Variants in FBN2 observed in about 807,000 individuals in gnomAD.
The protein encoded by FBN2 is fibrillin 2.
A neutral mutation model predicts 355.6 loss-of-function variants in FBN2; 105 were observed. The ratio of observed to expected loss-of-function variants is 0.30; its 90% confidence interval spans 0.25 to 0.35. The LOEUF is 0.35. Among genes scored for constraint, FBN2 ranks in the 10% least tolerant of loss-of-function variants. FBN2 has a pLI of 1.00. For missense variants in FBN2, 3,280 were observed against 3,758.7 expected (o/e 0.87, Z 3.33); for synonymous variants, 1,350 against 1,301.2 (o/e 1.04, Z -0.81).
At chr5:128,280,414 GCC>G in intron 55 of FBN2, 97 bp from the exon 56 acceptor site, 2 of 888,268 alleles carry the variant, frequency 2.3e-6, no homozygotes, top group Non-Finnish European at 3.7e-6. Context: ...ACACTTCTTT[GCC>G]AAAATACTAA....
At chr5:128,319,860 T>C (rs1413048071) in intron 34 of FBN2, among the ~76,000 whole-genome samples, 3 of 152,332 alleles carry the variant, frequency 2.0e-5, no homozygotes, top group Non-Finnish European at 2.9e-5. Flanking sequence ...AAAAAGAGGA[T>C]GGATATTTAT....
chr5:128,357,503 A>G, intron 19 of FBN2, 108 bp from the exon 20 acceptor site: 1 of 1,299,214 alleles, frequency 7.7e-7, no homozygotes, highest in South Asian at 1.2e-5. Flanking sequence ...TGGCTCTGGT[A>G]ATTTTAATAT....
chr5:128,464,581 T>C, intron 6 of FBN2, 143 bp downstream of exon 6: 2 of 798,714 alleles, frequency 2.5e-6, no homozygotes, highest in Non-Finnish European at 4.2e-6. Flanking sequence ...AGATAAACCT[T>C]CTCTGGTCAG....
At chr5:128,297,582 A>C (rs1206680912) in intron 48 of FBN2, among the ~76,000 whole-genome samples, 1 of 152,186 alleles carries the variant, frequency 6.6e-6, no homozygotes, top group Non-Finnish European at 1.5e-5. Context: ...ATCCCTTACC[A>C]TTAAGTAATG....
chr5:128,333,000 G>A lies in FBN2; in HGVS notation c.4134C>T (p.Cys1378=), dbSNP rs775405425. 3.4e-5 allele frequency: 54 copies of A among 1,610,390 alleles called. No individual in the cohort carries two copies. The highest frequency in any genetic ancestry group is 1.4e-4 in the South Asian group (13 of 90,998). Residue 1378 remains cysteine, a synonymous_variant, in exon 32 of 65, where the codon TGC becomes TGT. Coordinates refer to ENST00000262464, the MANE Select transcript of FBN2 (RefSeq NM_001999.4). ...VDECEIGAHN[C]DMHASCLNIP... is the part of the protein sequence containing the mutation. ...TATTCAGACATGAGGCATGCATGTC[G>A]CAGTTATGAGCACCAATTTCACACT...
intron 61 of FBN2, among the ~76,000 whole-genome samples, chr5:128,272,863 G>A (rs994575507): frequency 9.9e-5 from 15 of 152,012 alleles, no homozygotes; most frequent in Admixed American, 9.2e-4. Flanking sequence ...AGCTGAACTC[G>A]CATGTGGCAA....
In FBN2 at chr5:128,318,872, A is replaced by G; in HGVS notation, c.4594+7T>C. On this transcript the variant is annotated splice_region_variant and intron_variant, in intron 35 of 64. Coordinates refer to ENST00000262464, the MANE Select transcript of FBN2 (RefSeq NM_001999.4). ...CAGAACACAACTTAGCTGGTAACTG[A>G]CCATACCTGTACAGTTCCCTCCTGT... 6.2e-7 allele frequency: 1 copy of G among 1,612,406 alleles called. No homozygotes were observed. The highest frequency in any genetic ancestry group is 1.1e-5 in the South Asian group (1 of 90,968).
intron 48 of FBN2, 77 bp from the exon 49 acceptor site, chr5:128,291,731 A>AG: frequency 7.8e-7 from 1 of 1,281,424 alleles, no homozygotes; most frequent in Non-Finnish European, 1.1e-6. Flanking sequence ...ACTGTCCACT[A>AG]GCCAGCTGAT....
rs748897265 is a variant in FBN2 at position 128,311,864 on chromosome 5, G to A, written c.4948+21C>T. The A allele has an allele frequency of 1.9e-6, 3 of 1,578,184 alleles. No homozygotes were observed. The Admixed American group carries it at 5.0e-5, about 26-fold the overall frequency. ...AACTCTTTACCTTGTTTGAATCTGG[G>A]TGACAATGGGATTAGCTCACCTTCT... On this transcript the variant is annotated intron_variant, in intron 38 of 64. Transcript: ENST00000262464.
intron 6 of FBN2, among the ~76,000 whole-genome samples, chr5:128,460,699 C>T (rs1369608118): frequency 1.3e-5 from 2 of 152,042 alleles, no homozygotes; most frequent in Admixed American, 6.6e-5. Flanking sequence ...TCAGAAATAA[C>T]ACCACACATC....
At chr5:128,276,599 C>T (rs1435164356) in intron 58 of FBN2, among the ~76,000 whole-genome samples, 1 of 152,086 alleles carries the variant, frequency 6.6e-6, no homozygotes, top group Admixed American at 6.5e-5. Flanking sequence ...CAGTCCTCAC[C>T]CTGGTCCACT....
At chr5:128,291,211 A>G (rs1749313227) in intron 49 of FBN2, among the ~76,000 whole-genome samples, 1 of 152,204 alleles carries the variant, frequency 6.6e-6, no homozygotes, top group South Asian at 2.1e-4. Context: ...AGTAAGTTAC[A>G]TCACATCAAA....
chr5:128,521,553 T>C (rs2112790878), intron 4 of FBN2, among the ~76,000 whole-genome samples: 1 of 152,286 alleles, frequency 6.6e-6, no homozygotes, highest in African/African-American at 2.4e-5. Context: ...AAGAAAGATT[T>C]AAAAAATCAA....
At position 128,537,475 on chromosome 5, in the gene FBN2, C is replaced by T; in HGVS notation, c.129G>A (p.Pro43=). Residue 43 remains proline (P), a synonymous_variant, in exon 1 of 65, where the codon CCG becomes CCA. Coordinates refer to ENST00000262464, the MANE Select transcript of FBN2 (RefSeq NM_001999.4). ...CTGTAGCGGACCGAACCTGTTGCGG[C>T]GGCGGCTGGGGCCGGGGCGGCTTGG... ...PPPKPPRPQP[P]PQQVRSATAG... is the part of the protein sequence containing the mutation. 6.2e-7 allele frequency: 1 copy of T among 1,600,462 alleles called. No individual in the cohort carries two copies. Among genetic ancestry groups the T allele is most frequent in the Non-Finnish European group, 8.5e-7 (1 of 1,175,218 alleles).
Position 128,299,683 on chromosome 5 carries a change from G to A in FBN2, c.6166+1134C>T, listed in dbSNP as rs142067496. On this transcript the variant is annotated intron_variant, in intron 48 of 64. Coordinates refer to ENST00000262464, the MANE Select transcript of FBN2 (RefSeq NM_001999.4). ...GCAATGCCTCGCCCTGCTTTGGCTC[G>A]TGCACAGTGCATGCACCCACTGACC... is the stretch of plus-strand genomic sequence containing the variant. Among the ~76,000 whole-genome samples the A allele has an allele frequency of 8.5e-3, 1,300 of 152,196 alleles. 17 individuals carry two copies. The highest frequency in any genetic ancestry group is 0.028 in the African/African-American group (1,174 of 41,504).
intron 5 of FBN2, among the ~76,000 whole-genome samples, chr5:128,510,209 C>T (rs893553577): frequency 3.3e-5 from 5 of 152,086 alleles, no homozygotes; most frequent in African/African-American, 1.2e-4. Flanking sequence ...GAAGAATTGT[C>T]TTGGGCCACA....
rs468026 is a variant in FBN2 at position 128,345,126 on chromosome 5, C to T, written c.3217+231G>A. On this transcript the variant is annotated intron_variant, in intron 24 of 64. Coordinates refer to ENST00000262464, the MANE Select transcript of FBN2 (RefSeq NM_001999.4). The stretch of plus-strand genomic sequence containing the variant: ...GCTATCAGGGCGACATCTCCGGTTG[C>T]AGAGGAACAAAGAGTAGAAGAGAAA... Among the ~76,000 whole-genome samples, 120,274 of 152,192 alleles carry T rather than the reference C, an allele frequency of 0.79. 47,810 individuals are homozygous for T. Among genetic ancestry groups the T allele is most frequent in the East Asian group, 0.93 (4,812 of 5,186 alleles).
chr5:128,525,999 T>C (rs10036909), intron 4 of FBN2, among the ~76,000 whole-genome samples: 10,676 of 152,204 alleles, frequency 0.07, 648 homozygotes, highest in Admixed American at 0.21. Flanking sequence ...CTAAAATATA[T>C]ACTCTCTGGC....
At chr5:128,313,760 G>A (rs1403465853) in intron 36 of FBN2, among the ~76,000 whole-genome samples, 1 of 150,292 alleles carries the variant, frequency 6.7e-6, no homozygotes, top group South Asian at 2.1e-4. Flanking sequence ...GGCTGAGGCA[G>A]GAGAATGGCA....
Sources: allele counts gnomAD v4.1 joint callset (sites outside exome capture counted in the v4.1 genomes callset), GRCh38; gene constraint gnomAD v4.1.1; transcripts MANE v1.5; gene names NCBI Gene and HGNC (gene_info 2026-07-23, HGNC 2026-07-21).